BBX: variants seen among roughly 807,000 people sequenced by gnomAD.
The protein encoded by BBX is HMG box transcription factor BBX.
In BBX, 30 loss-of-function variants were observed where a neutral mutation model predicts 100.2. The observed-to-expected ratio is 0.30, with a 90% confidence interval of 0.22 to 0.41. The LOEUF is 0.41. Among genes scored for constraint, BBX ranks in the 10% least tolerant of loss-of-function variants. The pLI, the probability that BBX is intolerant of heterozygous loss-of-function variation, is 1.00. For missense variants in BBX, 1,023 were observed against 1,129.8 expected, an observed-to-expected ratio of 0.91 and a Z score of 1.35; for synonymous variants, 376 against 388.1, an observed-to-expected ratio of 0.97 and a Z score of 0.37.
At chr3:107,733,120 T>G in intron 7 of BBX, 97 bp downstream of exon 7, 3 of 1,022,910 alleles carry the variant, frequency 2.9e-6, no homozygotes, top group Non-Finnish European at 4.3e-6. Flanking sequence ...TTTCACTGTT[T>G]ACAGCTCATG....
chr3:107,738,709 C>T (rs184246105), intron 7 of BBX, among the ~76,000 whole-genome samples: 1 of 152,240 alleles, frequency 6.6e-6, no homozygotes, highest in Non-Finnish European at 1.5e-5. Flanking sequence ...GCCACTTCTC[C>T]TGTGTCCTGT....
intron 8 of BBX, among the ~76,000 whole-genome samples, chr3:107,747,247 GTGTT>G (rs968896723): frequency 3.3e-5 from 5 of 152,158 alleles, no homozygotes; most frequent in African/African-American, 7.2e-5. Flanking sequence ...GTGTGTGTGT[GTGTT>G]TGTGTTGGGT....
chr3:107,639,892 G>A (rs2057088109), intron 2 of BBX, among the ~76,000 whole-genome samples: 1 of 152,164 alleles, frequency 6.6e-6, no homozygotes, highest in Non-Finnish European at 1.5e-5. Context: ...AATAACACTT[G>A]AGAAGTAGCA....
At chr3:107,774,961 A>G in intron 12 of BBX, 104 bp downstream of exon 12, 2 of 1,357,852 alleles carry the variant, frequency 1.5e-6, no homozygotes, top group Middle Eastern at 5.0e-4. Context: ...TTCTTTGACT[A>G]CTCGCTCAGG....
intron 2 of BBX, among the ~76,000 whole-genome samples, chr3:107,564,924 T>C (rs943609259): frequency 1.4e-4 from 22 of 152,196 alleles, no homozygotes; most frequent in Admixed American, 1.4e-3. Flanking sequence ...AATAGATTCA[T>C]GTGGGGAAAG....
At chr3:107,616,356 T>A (rs2055280656) in intron 2 of BBX, among the ~76,000 whole-genome samples, 1 of 152,084 alleles carries the variant, frequency 6.6e-6, no homozygotes, top group Non-Finnish European at 1.5e-5. Flanking sequence ...TGGAAAAGGG[T>A]TACTCAGCCT....
chr3:107,739,956 A>C (rs2063940437), intron 7 of BBX, among the ~76,000 whole-genome samples: 1 of 152,090 alleles, frequency 6.6e-6, no homozygotes, highest in Admixed American at 6.6e-5. Context: ...AGCCACACAG[A>C]TTATAATGTT....
intron 3 of BBX, among the ~76,000 whole-genome samples, chr3:107,672,739 G>A (rs1415947416): frequency 6.6e-6 from 1 of 151,986 alleles, no homozygotes; most frequent in Non-Finnish European, 1.5e-5. Flanking sequence ...AAAGGGCCTG[G>A]CACAGCTGTG....
chr3:107,594,591 C>G (rs1341773445), intron 2 of BBX, among the ~76,000 whole-genome samples: 1 of 152,158 alleles, frequency 6.6e-6, no homozygotes, highest in African/African-American at 2.4e-5. Context: ...CCAGCTCTTT[C>G]ATTTCTTATT....
At chr3:107,697,161 G>T (rs1304315478) in intron 3 of BBX, among the ~76,000 whole-genome samples, 2 of 151,734 alleles carry the variant, frequency 1.3e-5, no homozygotes, top group Non-Finnish European at 1.5e-5. Context: ...CCGTAGCTCG[G>T]AGTAATTTGA....
At chr3:107,666,516 T>C (rs2058751067) in intron 3 of BBX, among the ~76,000 whole-genome samples, 2 of 152,348 alleles carry the variant, frequency 1.3e-5, no homozygotes, top group Non-Finnish European at 2.9e-5. Context: ...ACTAACTGAA[T>C]TCTGAATCAA....
At chr3:107,622,813 G>A (rs1403953973) in intron 2 of BBX, among the ~76,000 whole-genome samples, 4 of 152,160 alleles carry the variant, frequency 2.6e-5, no homozygotes, top group East Asian at 1.9e-4. Flanking sequence ...TGAGATTGTC[G>A]TTTTAGTAGT....
intron 3 of BBX, 80 bp downstream of exon 3, chr3:107,645,989 TG>T (rs1156793801): frequency 6.6e-6 from 1 of 152,628 alleles, no homozygotes; most frequent in African/African-American, 2.4e-5. Flanking sequence ...CTGTCAGAGC[TG>T]GTCTCAGCAT....
chr3:107,623,162 T>C (rs1344230366), intron 2 of BBX, among the ~76,000 whole-genome samples: 1 of 152,208 alleles, frequency 6.6e-6, no homozygotes, highest in African/African-American at 2.4e-5. Context: ...CTGGAGTCTT[T>C]AATTACTGTG....
At chr3:107,591,595 C>G (rs1394520911) in intron 2 of BBX, among the ~76,000 whole-genome samples, 2 of 152,216 alleles carry the variant, frequency 1.3e-5, no homozygotes, top group African/African-American at 4.8e-5. Context: ...TCAACTGATC[C>G]TCCTGCCTCA....
intron 3 of BBX, among the ~76,000 whole-genome samples, chr3:107,689,311 T>G (rs919051738): frequency 6.6e-6 from 1 of 152,222 alleles, no homozygotes; most frequent in Non-Finnish European, 1.5e-5. Flanking sequence ...TGCCCTTCCC[T>G]TACGTGCTGT....
chr3:107,696,239 G>T (rs368886628), intron 3 of BBX, among the ~76,000 whole-genome samples: 1 of 151,768 alleles, frequency 6.6e-6, no homozygotes, highest in African/African-American at 2.4e-5. Flanking sequence ...TCCTGTCATT[G>T]TGATGTTAGC....
intron 2 of BBX, among the ~76,000 whole-genome samples, chr3:107,544,217 T>C (rs2049052588): frequency 6.6e-6 from 1 of 152,252 alleles, no homozygotes. Context: ...TGCGACTCTA[T>C]TCTGCTCCTT....
chr3:107,611,270 A>G (rs1002632646), intron 2 of BBX, among the ~76,000 whole-genome samples: 1 of 152,090 alleles, frequency 6.6e-6, no homozygotes, highest in African/African-American at 2.4e-5. Flanking sequence ...CAGTGTCTTT[A>G]TGCACCACAA....
Sources: gnomAD v4.1 joint callset for allele counts (sites outside exome capture counted in the v4.1 genomes callset) on GRCh38, gnomAD v4.1.1 for gene constraint, MANE v1.5 for transcripts, NCBI Gene and HGNC (gene_info 2026-07-23, HGNC 2026-07-21) for gene names.